The following SGTA variants were observed in gnomAD, a reference collection of about 807,000 sequenced individuals.
SGTA encodes the protein small glutamine rich tetratricopeptide repeat co-chaperone alpha.
SGTA carries 22 observed loss-of-function variants against 44.3 expected under a neutral mutation model. The ratio of observed to expected loss-of-function variants is 0.50; its 90% CI spans 0.36 to 0.71. SGTA has a LOEUF of 0.71. Ranked by LOEUF, SGTA falls within the 30% of genes least tolerant of loss-of-function variation. SGTA has a pLI of 0.00. For synonymous variants in SGTA, 174 were observed against 177.6 expected, an observed-to-expected ratio of 0.98 and a Z score of 0.16; for missense variants, 341 against 435.9, an observed-to-expected ratio of 0.78 and a Z score of 1.94.
chr19:2,767,281 T>A lies in SGTA; in HGVS notation c.208-61A>T. On this transcript the variant is annotated intron_variant, in intron 3 of 11. Coordinates refer to ENST00000221566, the MANE Select transcript of SGTA (RefSeq NM_003021.4). This position sits in a 1 kb window ranked among gnomAD's most constrained non-coding sequence, Gnocchi z 7.3. Reference sequence around the variant, plus strand: ...CCTCCCAACCTGGCACCCTCCGGCCTTAGCTTCCCTCGGGACGCCAGAGAG... The same window carrying A: ...CCTCCCAACCTGGCACCCTCCGGCCATAGCTTCCCTCGGGACGCCAGAGAG... 7.3e-7 allele frequency: 1 copy of A among 1,369,094 alleles called. No individual in the cohort carries two copies. The highest frequency in any genetic ancestry group is 1.0e-6 in the Non-Finnish European group (1 of 985,602). The allele number at this position is 1,369,094 out of a possible 1,614,324, so 84.8% of individuals were successfully genotyped here. A position where few individuals can be genotyped will look rare whatever the true frequency, so the allele number is the denominator to read the frequency against.
intron 8 of SGTA, among the ~76,000 whole-genome samples, chr19:2,760,719 G>C (rs1270011263): frequency 1.3e-5 from 2 of 152,032 alleles, no homozygotes; most frequent in Non-Finnish European, 2.9e-5. Flanking sequence ...CTTGGCCAGC[G>C]GACGAGGGCT....
intron 4 of SGTA, among the ~76,000 whole-genome samples, chr19:2,766,255 C>A (rs1915140512): frequency 2.6e-5 from 4 of 151,912 alleles, no homozygotes. Flanking sequence ...TGCTGTGCGT[C>A]CTTTTGTGTC....
chr19:2,777,281 G>GCT (rs1915464907), intron 1 of SGTA, among the ~76,000 whole-genome samples: 1 of 151,568 alleles, frequency 6.6e-6, no homozygotes. Flanking sequence ...AGGCGCAGTG[G>GCT]CTCACACCTG....
At chr19:2,760,542 C>CAAAAA (rs1363728584) in intron 8 of SGTA, among the ~76,000 whole-genome samples, 1 of 142,730 alleles carries the variant, frequency 7.0e-6, no homozygotes, top group African/African-American at 2.7e-5. Context: ...AAAAAAAAAC[C>CAAAAA]AAAAAAAACT....
intron 11 of SGTA, among the ~76,000 whole-genome samples, chr19:2,756,834 C>T (rs1914832014): frequency 6.6e-6 from 1 of 152,316 alleles, no homozygotes; most frequent in South Asian, 2.1e-4. Flanking sequence ...GTAAGTGCAA[C>T]ACCTGCTCAC....
intron 1 of SGTA, among the ~76,000 whole-genome samples, chr19:2,780,440 A>G (rs1235752647): frequency 6.6e-6 from 1 of 152,182 alleles, no homozygotes; most frequent in East Asian, 1.9e-4. Context: ...AAAGCTCTCA[A>G]CTGCTCCTTG....
chr19:2,759,594 T>C lies in SGTA; in HGVS notation c.700-300A>G. ...GTTTTGCTGTGTGGAGGCGTTTTGG[T>C]TCTTTATTTTAGCTGCTGTCTGCTT... On this transcript the variant is annotated intron_variant, in intron 8 of 11. Coordinates refer to ENST00000221566, the MANE Select transcript of SGTA (RefSeq NM_003021.4). 3 of 406,146 alleles carry C rather than the reference T, an allele frequency of 7.4e-6. No homozygotes were observed. In the South Asian group the frequency reaches 9.6e-5, roughly 13 times the overall value. 25.2% of individuals were successfully genotyped at this position (406,146 alleles called of 1,614,324 possible). A position where few individuals can be genotyped will look rare whatever the true frequency, so the allele number is the denominator to read the frequency against.
At position 2,757,734 on chromosome 19, in the gene SGTA, G is replaced by T. The variant is rs781447740; in HGVS notation, c.786C>A (p.Gly262=). Residue 262 remains glycine, a synonymous_variant, in exon 10 of 12, where the codon GGC becomes GGA. Coordinates refer to ENST00000221566, the MANE Select transcript of SGTA (RefSeq NM_003021.4). ...CCAGGTCGTTCTGCGAGGGGCTGGTGCCGGGAGTTCCCAAGGGGTTGTTGC... is the reference window on the plus strand; with the variant it reads ...CCAGGTCGTTCTGCGAGGGGCTGGTTCCGGGAGTTCCCAAGGGGTTGTTGC... ...SGGNNPLGTP[G]TSPSQNDLAS... The T allele has an allele frequency of 1.9e-6, 3 of 1,604,172 alleles. No individual in the cohort carries two copies. In the South Asian group the frequency reaches 3.4e-5, roughly 18 times the overall value.
rs1403154021 is a variant in SGTA, at chr19:2,761,434, G to C, written c.699+26C>G. 6 of 1,547,382 alleles carry C rather than the reference G, an allele frequency of 3.9e-6. No individual in the cohort carries two copies. The highest frequency in any genetic ancestry group is 5.2e-6 in the Non-Finnish European group (6 of 1,143,362). ...CCTGGGGGGTGGCGCAGACACCATG[G>C]ACAGGGAGGAGGGGCGGGCCGTTAC... On this transcript the variant is annotated intron_variant, in intron 8 of 11. Coordinates refer to ENST00000221566, the MANE Select transcript of SGTA (RefSeq NM_003021.4). The surrounding 1 kb of genome is among the most constrained non-coding windows in gnomAD (Gnocchi z 5.7).
chr19:2,757,879 C>A, intron 9 of SGTA, 97 bp from the exon 10 acceptor site: 1 of 776,706 alleles, frequency 1.3e-6, no homozygotes, highest in Non-Finnish European at 2.0e-6. Flanking sequence ...CCTCTCAGCC[C>A]TTCACCTTCC....
At chr19:2,775,443 G>A (rs569356519) in intron 1 of SGTA, among the ~76,000 whole-genome samples, 2 of 152,238 alleles carry the variant, frequency 1.3e-5, no homozygotes, top group Non-Finnish European at 2.9e-5. Context: ...CCGGCGACGT[G>A]GACCTCCACG....
Position 2,755,400 on chromosome 19 carries a change from T to C in SGTA, c.*540A>G. On this transcript the variant is annotated 3_prime_UTR_variant, in exon 12 of 12. Coordinates refer to ENST00000221566, the MANE Select transcript of SGTA (RefSeq NM_003021.4). The surrounding 1 kb of genome is among the most constrained non-coding windows in gnomAD (Gnocchi z 5.2). ...GTGTCTGCCACTAAAGAGTTCCTCA[T>C]GCAAACACACATGGCCCGCGGTGCC... is the stretch of plus-strand genomic sequence containing the variant. 1 of 987,662 alleles carries C rather than the reference T, an allele frequency of 1.0e-6. No individual in the cohort carries two copies. The highest frequency in any genetic ancestry group is 1.2e-6 in the Non-Finnish European group (1 of 830,146). 61.2% of individuals were successfully genotyped at this position (987,662 alleles called of 1,614,324 possible). A position where few individuals can be genotyped will look rare whatever the true frequency, so the allele number is the denominator to read the frequency against.
chr19:2,767,516 C>T lies in SGTA; in HGVS notation c.207+64G>A. ...ATGAGAGCGGGGCTCCTGGGGTCCCCAGGGCTGCCTGCTGTTGCTGTTCTT... is the reference window on the plus strand; with the variant it reads ...ATGAGAGCGGGGCTCCTGGGGTCCCTAGGGCTGCCTGCTGTTGCTGTTCTT... On this transcript the variant is annotated intron_variant, in intron 3 of 11. Coordinates refer to ENST00000221566, the MANE Select transcript of SGTA (RefSeq NM_003021.4). The surrounding 1 kb of genome is among the most constrained non-coding windows in gnomAD (Gnocchi z 7.3). 7.2e-7 allele frequency: 1 copy of T among 1,382,992 alleles called. No individual in the cohort carries two copies. 85.7% of individuals were successfully genotyped at this position (1,382,992 alleles called of 1,614,324 possible).
Position 2,765,119 on chromosome 19 carries a change from G to T in SGTA, c.392+67C>A. 8.9e-7 allele frequency: 1 copy of T among 1,126,222 alleles called. No individual in the cohort carries two copies. The highest frequency in any genetic ancestry group is 1.4e-6 in the Non-Finnish European group (1 of 739,782). The allele number at this position is 1,126,222 out of a possible 1,614,324, so 69.8% of individuals were successfully genotyped here. On this transcript the variant is annotated intron_variant, in intron 5 of 11. Transcript: ENST00000221566. This position sits in a 1 kb window ranked among gnomAD's most constrained non-coding sequence, Gnocchi z 5.5. ...GAGGCCTCTCCCATCTCAGGTCCCT[G>T]CTAAGCATCCCGGAGGACGCCCCCG... is the stretch of plus-strand genomic sequence containing the variant.
chr19:2,755,959 G>A lies in SGTA; in HGVS notation c.*7-26C>T, dbSNP rs1914809797. 1 of 985,300 alleles carries A rather than the reference G, an allele frequency of 1.0e-6. No individual in the cohort carries two copies. The highest frequency in any genetic ancestry group is 1.7e-5 in the African/African-American group (1 of 57,320). The allele number at this position is 985,300 out of a possible 1,614,324, so 61.0% of individuals were successfully genotyped here. On this transcript the variant is annotated intron_variant, in intron 11 of 11. Transcript: ENST00000221566. The surrounding 1 kb of genome is among the most constrained non-coding windows in gnomAD (Gnocchi z 5.2). ...CTGGAAGGGGACAGACATGAAGGCT[G>A]TCAGAGCGCAGGTGGGGACCAAGGC...
intron 8 of SGTA, among the ~76,000 whole-genome samples, chr19:2,760,100 G>T (rs1202736684): frequency 6.6e-6 from 1 of 152,136 alleles, no homozygotes; most frequent in Non-Finnish European, 1.5e-5. Flanking sequence ...TGTGTAAAGG[G>T]CCAGTGTGTA....
intron 9 of SGTA, 87 bp from the exon 10 acceptor site, chr19:2,757,869 C>T (rs1914873797): frequency 2.3e-6 from 2 of 865,250 alleles, no homozygotes; most frequent in Non-Finnish European, 1.7e-6. Flanking sequence ...GGAGAGAATC[C>T]CTCTCAGCCC....
In SGTA at chr19:2,763,593, G is replaced by A. The variant is rs1237808904; in HGVS notation, c.497+60C>T. On this transcript the variant is annotated intron_variant, in intron 6 of 11. Coordinates refer to ENST00000221566, the MANE Select transcript of SGTA (RefSeq NM_003021.4). The surrounding 1 kb of genome is among the most constrained non-coding windows in gnomAD (Gnocchi z 5.8). ...AAAAAGCCACACAAGAGAGGAAGCA[G>A]GAGCAGGAGAGGAGGGGTCCCGAGA... is the stretch of plus-strand genomic sequence containing the variant. 4 of 1,159,568 alleles carry A rather than the reference G, an allele frequency of 3.4e-6. No homozygotes were observed. The highest frequency in any genetic ancestry group is 5.0e-6 in the Non-Finnish European group (4 of 799,714). The allele number at this position is 1,159,568 out of a possible 1,614,324, so 71.8% of individuals were successfully genotyped here. A position where few individuals can be genotyped will look rare whatever the true frequency, so the allele number is the denominator to read the frequency against.
In SGTA at chr19:2,767,459, A is replaced by C; in HGVS notation, c.207+121T>G. The C allele has an allele frequency of 2.3e-6, 2 of 876,412 alleles. No homozygotes were observed. Among genetic ancestry groups the C allele is most frequent in the Non-Finnish European group, 3.7e-6 (2 of 545,078 alleles). The allele number at this position is 876,412 out of a possible 1,614,324, so 54.3% of individuals were successfully genotyped here. ...GCTCCTGCAGCCACGTCCCCAGCCC[A>C]GGAGAGGATGCAGGCAGAGTGCTGG... On this transcript the variant is annotated intron_variant, in intron 3 of 11. Transcript: ENST00000221566. This position sits in a 1 kb window ranked among gnomAD's most constrained non-coding sequence, Gnocchi z 7.3.
Sources: gnomAD v4.1 joint callset for allele counts (sites outside exome capture counted in the v4.1 genomes callset) on GRCh38, gnomAD v4.1.1 for gene constraint, Gnocchi (gnomAD v3.1) non-coding constraint, MANE v1.5 for transcripts, NCBI Gene and HGNC (gene_info 2026-07-23, HGNC 2026-07-21) for gene names.